The following IL1RAP variants were observed in gnomAD, a reference collection of about 807,000 sequenced individuals.
The protein encoded by IL1RAP is interleukin 1 receptor accessory protein.
A neutral mutation model predicts 60.7 loss-of-function variants in IL1RAP; 35 were observed. The ratio of observed to expected loss-of-function variants is 0.58; its 90% CI spans 0.44 to 0.76. IL1RAP has a LOEUF of 0.76. Among genes scored for constraint, IL1RAP ranks in the 30% least tolerant of loss-of-function variants. The pLI is 0.00. For missense variants in IL1RAP, 572 were observed against 693.9 expected (o/e 0.82, Z 1.97); for synonymous variants, 268 against 250.9 (o/e 1.07, Z -0.64).
chr3:190,535,876 C>T (rs3773992), intron 1 of IL1RAP, among the ~76,000 whole-genome samples: 4 of 152,036 alleles, frequency 2.6e-5, no homozygotes, highest in African/African-American at 7.3e-5. Context: ...GGTCAAGGAT[C>T]GTGTTTTAAC....
chr3:190,597,066 A>G (rs1729438868), intron 3 of IL1RAP, among the ~76,000 whole-genome samples: 1 of 152,222 alleles, frequency 6.6e-6, no homozygotes, highest in African/African-American at 2.4e-5. Context: ...GTGGTACAGG[A>G]GGCTGACTCA....
At chr3:190,535,753 C>T (rs543961492) in intron 1 of IL1RAP, among the ~76,000 whole-genome samples, 4 of 152,290 alleles carry the variant, frequency 2.6e-5, no homozygotes, top group Admixed American at 2.6e-4. Flanking sequence ...GGCTTAATAG[C>T]TCAGATTATT....
At chr3:190,565,777 A>G (rs1229631802) in intron 3 of IL1RAP, among the ~76,000 whole-genome samples, 1 of 152,136 alleles carries the variant, frequency 6.6e-6, no homozygotes, top group Non-Finnish European at 1.5e-5. Flanking sequence ...TGTTAAATAT[A>G]ATTCTTGATT....
rs1214791605 is a variant in IL1RAP, at chr3:190,649,144, A to G, written c.*439A>G. 1.0e-6 allele frequency: 1 copy of G among 987,244 alleles called. No individual in the cohort carries two copies. Among genetic ancestry groups the G allele is most frequent in the Non-Finnish European group, 1.2e-6 (1 of 831,214 alleles). 61.2% of individuals were successfully genotyped at this position (987,244 alleles called of 1,614,324 possible). A position where few individuals can be genotyped will look rare whatever the true frequency, so the allele number is the denominator to read the frequency against. On this transcript the variant is annotated 3_prime_UTR_variant, in exon 12 of 12. Coordinates refer to ENST00000447382, the MANE Select transcript of IL1RAP (RefSeq NM_002182.4). ...ATCTTATTTTTACTCGTCCGTTGAA[A>G]AGATAATCAAGGCCTACATTTTAGC... is the stretch of plus-strand genomic sequence containing the variant.
At chr3:190,556,475 A>G (rs1270922839) in intron 2 of IL1RAP, among the ~76,000 whole-genome samples, 2 of 152,122 alleles carry the variant, frequency 1.3e-5, no homozygotes, top group Admixed American at 6.6e-5. Flanking sequence ...GATAGTCAGC[A>G]CAGGGATTTT....
chr3:190,554,060 C>CAAAAA (rs1166716731), intron 1 of IL1RAP, among the ~76,000 whole-genome samples: 10 of 87,900 alleles, frequency 1.1e-4, no homozygotes, highest in Non-Finnish European at 1.7e-4. Context: ...GACTCCGTCT[C>CAAAAA]AAAAAAAAAA....
chr3:190,589,340 C>A (rs1242145724), intron 3 of IL1RAP, among the ~76,000 whole-genome samples: 5 of 152,162 alleles, frequency 3.3e-5, no homozygotes, highest in African/African-American at 9.7e-5. Context: ...TTTCTCCAAA[C>A]CCCATTTCTC....
intron 5 of IL1RAP, 92 bp downstream of exon 5, chr3:190,609,273 T>C: frequency 1.2e-6 from 1 of 841,362 alleles, no homozygotes; most frequent in Non-Finnish European, 1.8e-6. Flanking sequence ...CAAAGGTGTT[T>C]CTCTTCAGAT....
intron 1 of IL1RAP, chr3:190,520,495 T>C (rs1406952459): frequency 6.6e-6 from 1 of 152,130 alleles, no homozygotes; most frequent in Non-Finnish European, 1.5e-5. Context: ...TAAAGGGCAT[T>C]TTGCAGAAAA....
At chr3:190,568,033 G>A (rs9877268) in intron 3 of IL1RAP, among the ~76,000 whole-genome samples, 37,541 of 151,988 alleles carry the variant, frequency 0.25, 5,374 homozygotes, top group Middle Eastern at 0.33. Context: ...AATAAAAATA[G>A]CACCATATAG....
At chr3:190,608,563 C>A (rs1369776482) in intron 4 of IL1RAP, among the ~76,000 whole-genome samples, 1 of 152,022 alleles carries the variant, frequency 6.6e-6, no homozygotes. Flanking sequence ...TTTGTTTATA[C>A]CAGCATCACC....
chr3:190,578,268 G>T (rs1727675261), intron 3 of IL1RAP, among the ~76,000 whole-genome samples: 1 of 152,120 alleles, frequency 6.6e-6, no homozygotes, highest in African/African-American at 2.4e-5. Flanking sequence ...GAAGTAAAGG[G>T]TAACTTAATT....
rs1199235684 is a variant in IL1RAP at position 190,577,099 on chromosome 3, T to C, written c.64+12746T>C. Among the ~76,000 whole-genome samples the C allele has an allele frequency of 7.0e-5, 3 of 42,910 alleles. No individual in the cohort carries two copies. The East Asian group carries it at 1.5e-3, about 22-fold the overall frequency. 28.2% of individuals were successfully genotyped at this position (42,910 alleles called of 152,430 possible). ...CTGGGCGACAGAGCGAGACTCCGTC[T>C]CAAAAAAAAAAAAAAAAAAAAAGGA... On this transcript the variant is annotated intron_variant, in intron 3 of 11. Transcript: ENST00000447382.
intron 8 of IL1RAP, among the ~76,000 whole-genome samples, chr3:190,629,091 A>G (rs1013122087): frequency 3.3e-5 from 5 of 152,220 alleles, no homozygotes; most frequent in Non-Finnish European, 7.3e-5. Context: ...TTTGTTTTGA[A>G]GAGAGATCTA....
chr3:190,553,773 G>T (rs1381898321), intron 1 of IL1RAP, among the ~76,000 whole-genome samples: 3 of 152,134 alleles, frequency 2.0e-5, no homozygotes, highest in Non-Finnish European at 4.4e-5. Context: ...AGAAATGAGA[G>T]GGAAAGGCCG....
chr3:190,553,918 G>C (rs527651185), intron 1 of IL1RAP, among the ~76,000 whole-genome samples: 1 of 151,574 alleles, frequency 6.6e-6, no homozygotes, highest in South Asian at 2.1e-4. Context: ...AAAATTAGCC[G>C]GGCGTAGTGG....
At chr3:190,545,566 A>G (rs1724296950) in intron 1 of IL1RAP, among the ~76,000 whole-genome samples, 1 of 152,222 alleles carries the variant, frequency 6.6e-6, no homozygotes, top group African/African-American at 2.4e-5. Context: ...GAAGATAGAC[A>G]TTCAGATTCC....
chr3:190,617,756 G>C (rs916366769), intron 5 of IL1RAP, among the ~76,000 whole-genome samples: 3 of 152,122 alleles, frequency 2.0e-5, no homozygotes, highest in African/African-American at 4.8e-5. Flanking sequence ...TCAGGTACAT[G>C]TGTTGTGAAG....
At chr3:190,653,736 C>T (rs770429870), downstream of IL1RAP, among the ~76,000 whole-genome samples, 6 of 152,128 alleles carry the variant, frequency 3.9e-5, no homozygotes, top group Admixed American at 3.9e-4. Flanking sequence ...ATGGCCATAC[C>T]TCATTTTTTG....
Sources: gnomAD v4.1 joint callset for allele counts (sites outside exome capture counted in the v4.1 genomes callset) on GRCh38, gnomAD v4.1.1 for gene constraint, MANE v1.5 for transcripts, NCBI Gene and HGNC (gene_info 2026-07-23, HGNC 2026-07-21) for gene names.